The following RAPGEF5 variants were observed in gnomAD, a reference collection of about 807,000 sequenced individuals.
The protein encoded by RAPGEF5 is Rap guanine nucleotide exchange factor 5.
In RAPGEF5, 65 loss-of-function variants were observed where a neutral mutation model predicts 125.2. The observed-to-expected ratio is 0.52, with a 90% CI of 0.43 to 0.64. The LOEUF (loss-of-function observed/expected upper bound fraction) is 0.64, where lower values mean the gene tolerates loss of function less well. RAPGEF5 is among the 30% of genes least tolerant of loss of function. RAPGEF5 has a pLI of 0.00. For missense variants in RAPGEF5, 958 were observed against 1,048.1 expected, an observed-to-expected ratio of 0.91 and a Z score of 1.19; for synonymous variants, 391 against 385.9, an observed-to-expected ratio of 1.01 and a Z score of -0.16.
chr7:22,291,296 C>A, intron 5 of RAPGEF5, 55 bp from the exon 6 acceptor site: 1 of 1,492,418 alleles, frequency 6.7e-7, no homozygotes. Context: ...TCAAATTTAT[C>A]TACCAAGTTA....
chr7:22,160,340 C>G (rs1783947549), intron 14 of RAPGEF5, among the ~76,000 whole-genome samples, 178 bp downstream of exon 14: 1 of 152,114 alleles, frequency 6.6e-6, no homozygotes, highest in South Asian at 2.1e-4. Flanking sequence ...ATTCCGTGTT[C>G]TTTCATTTTG....
intron 9 of RAPGEF5, among the ~76,000 whole-genome samples, chr7:22,198,408 C>CA (rs1205185524): frequency 6.6e-6 from 1 of 152,132 alleles, no homozygotes; most frequent in African/African-American, 2.4e-5. Flanking sequence ...CAAAGCTAGG[C>CA]AAGGAGTTAC....
At chr7:22,334,154 G>A (rs140774637) in intron 1 of RAPGEF5, among the ~76,000 whole-genome samples, 10 of 152,296 alleles carry the variant, frequency 6.6e-5, no homozygotes, top group East Asian at 3.9e-4. Context: ...GCATGGGCCC[G>A]AGCCTGACCC....
intron 12 of RAPGEF5, 106 bp from the exon 13 acceptor site, chr7:22,162,647 C>G: frequency 2.7e-6 from 3 of 1,119,650 alleles, no homozygotes; most frequent in Admixed American, 2.3e-5. Context: ...AGTGTATAAA[C>G]ATGCAGGAAG....
chr7:22,317,720 A>G (rs1783631587), intron 2 of RAPGEF5, among the ~76,000 whole-genome samples: 1 of 152,332 alleles, frequency 6.6e-6, no homozygotes, highest in South Asian at 2.1e-4. Context: ...GCTCTGCCAC[A>G]TTAATTCATT....
At chr7:22,191,272 T>C (rs1052422419) in intron 11 of RAPGEF5, among the ~76,000 whole-genome samples, 1 of 152,226 alleles carries the variant, frequency 6.6e-6, no homozygotes, top group African/African-American at 2.4e-5. Flanking sequence ...ATGGTGGATT[T>C]TCTGTTGTGT....
At chr7:22,155,260 C>T (rs1300635140) in intron 16 of RAPGEF5, among the ~76,000 whole-genome samples, 1 of 152,120 alleles carries the variant, frequency 6.6e-6, no homozygotes, top group East Asian at 1.9e-4. Context: ...TTTTTATTGT[C>T]TGTGGTGCTA....
At chr7:22,334,187 C>T (rs1303533511) in intron 1 of RAPGEF5, among the ~76,000 whole-genome samples, 2 of 152,208 alleles carry the variant, frequency 1.3e-5, no homozygotes, top group Non-Finnish European at 2.9e-5. Flanking sequence ...TTGGGTTAGT[C>T]GTGGACCTGA....
At chr7:22,139,814 G>A (rs900509817) in intron 21 of RAPGEF5, 47 of 469,334 alleles carry the variant, frequency 1.0e-4, no homozygotes, top group Non-Finnish European at 1.8e-4. Context: ...CAGAGGGGAA[G>A]ACTAATTCTA....
At chr7:22,248,701 T>C (rs867450097) in intron 7 of RAPGEF5, among the ~76,000 whole-genome samples, 3 of 152,306 alleles carry the variant, frequency 2.0e-5, no homozygotes, top group Middle Eastern at 6.8e-3. Flanking sequence ...GCGTGTCTGC[T>C]CTGTAAGGCC....
At chr7:22,279,212 G>C (rs774958266) in intron 6 of RAPGEF5, among the ~76,000 whole-genome samples, 1 of 152,042 alleles carries the variant, frequency 6.6e-6, no homozygotes, top group African/African-American at 2.4e-5. Flanking sequence ...AGAACCCCAC[G>C]TGTGTTTGTC....
chr7:22,298,631 T>C (rs2128149548), intron 5 of RAPGEF5: 1 of 152,334 alleles, frequency 6.6e-6, no homozygotes, highest in African/African-American at 2.4e-5. Context: ...CCTGATCTTG[T>C]CCTATCTTAG....
intron 7 of RAPGEF5, among the ~76,000 whole-genome samples, chr7:22,257,525 T>C (rs1782027639): frequency 6.6e-6 from 1 of 152,242 alleles, no homozygotes; most frequent in Admixed American, 6.5e-5. Context: ...TTACACTGCA[T>C]TCAGCTTATA....
chr7:22,237,397 C>A (rs1249705633), intron 7 of RAPGEF5, among the ~76,000 whole-genome samples: 1 of 147,524 alleles, frequency 6.8e-6, no homozygotes, highest in African/African-American at 2.5e-5. Flanking sequence ...GAAATTGACC[C>A]TTCTGGTCTT....
At chr7:22,334,950 C>T (rs934289535) in intron 1 of RAPGEF5, among the ~76,000 whole-genome samples, 2 of 152,222 alleles carry the variant, frequency 1.3e-5, no homozygotes, top group African/African-American at 4.8e-5. Flanking sequence ...TCTCAACATC[C>T]TTCCAGTAAT....
chr7:22,196,646 A>G (rs994209963), intron 9 of RAPGEF5, among the ~76,000 whole-genome samples: 4 of 152,216 alleles, frequency 2.6e-5, no homozygotes, highest in African/African-American at 9.6e-5. Context: ...AGACAATGCA[A>G]AAGTAGAATC....
chr7:22,122,593 C>A, intron 25 of RAPGEF5, 72 bp from the exon 26 acceptor site: 2 of 1,119,620 alleles, frequency 1.8e-6, no homozygotes, highest in South Asian at 1.3e-5. Flanking sequence ...CAACAAAACC[C>A]CACACTAAGG....
At chr7:22,330,736 G>A (rs927589844) in intron 1 of RAPGEF5, among the ~76,000 whole-genome samples, 1 of 152,100 alleles carries the variant, frequency 6.6e-6, no homozygotes, top group Non-Finnish European at 1.5e-5. Context: ...ATGTCTATAC[G>A]CAACCAGGTT....
intron 23 of RAPGEF5, among the ~76,000 whole-genome samples, chr7:22,131,716 G>A (rs969615236): frequency 2.6e-5 from 4 of 152,134 alleles, no homozygotes; most frequent in Non-Finnish European, 5.9e-5. Flanking sequence ...ATAAAAGGAG[G>A]AAAGTACAAT....
Sources: allele counts gnomAD v4.1 joint callset (sites outside exome capture counted in the v4.1 genomes callset), GRCh38; gene constraint gnomAD v4.1.1; transcripts MANE v1.5; gene names NCBI Gene and HGNC (gene_info 2026-07-23, HGNC 2026-07-21).